The following ROBO2 variants were observed in gnomAD, a reference collection of about 807,000 sequenced individuals.
ROBO2 encodes the protein roundabout guidance receptor 2, also known as roundabout homolog 2.
Under a neutral mutation model 160.8 loss-of-function variants are expected in ROBO2, and 53 were observed. That is an observed-to-expected ratio of 0.33 (90% CI 0.26 to 0.41). The LOEUF is 0.41. Ranked by LOEUF, ROBO2 falls within the 10% of genes least tolerant of loss-of-function variation. The pLI is 1.00. For synonymous variants in ROBO2, 664 were observed against 611.7 expected (o/e 1.09, Z -1.26); for missense variants, 1,577 against 1,722.4 (o/e 0.92, Z 1.49).
intron 2 of ROBO2, among the ~76,000 whole-genome samples, chr3:77,395,942 G>A (rs1277344167): frequency 6.7e-6 from 1 of 150,326 alleles, no homozygotes; most frequent in East Asian, 2.0e-4. Flanking sequence ...TAACTTAATT[G>A]TGGAAGCATT....
chr3:77,291,094 G>T (rs9822838), intron 2 of ROBO2, among the ~76,000 whole-genome samples: 78 of 120,026 alleles, frequency 6.5e-4, no homozygotes, highest in African/African-American at 1.7e-3. Flanking sequence ...AAATTGACGG[G>T]TAAACGGGTA....
At chr3:76,687,625 T>C (rs1266498774) in intron 2 of ROBO2, among the ~76,000 whole-genome samples, 1 of 152,024 alleles carries the variant, frequency 6.6e-6, no homozygotes, top group Non-Finnish European at 1.5e-5. Flanking sequence ...AACAACAATA[T>C]GTTCATAATA....
intron 2 of ROBO2, among the ~76,000 whole-genome samples, chr3:76,030,224 T>C (rs910289755): frequency 7.2e-5 from 11 of 152,232 alleles, no homozygotes; most frequent in African/African-American, 2.4e-4. Flanking sequence ...TTTGCTTTTT[T>C]CTTGTAAATT....
intron 2 of ROBO2, among the ~76,000 whole-genome samples, chr3:77,448,093 C>T (rs572086567): frequency 1.3e-4 from 20 of 152,190 alleles, no homozygotes; most frequent in African/African-American, 4.3e-4. Flanking sequence ...AGAGGAGGAG[C>T]CCTTTTCTTT....
chr3:76,764,713 C>T (rs1047359702), intron 2 of ROBO2, among the ~76,000 whole-genome samples: 1 of 151,526 alleles, frequency 6.6e-6, no homozygotes, highest in Admixed American at 6.6e-5. Context: ...ACCTGTCTAT[C>T]AAAACTCCCT....
At chr3:76,760,913 C>A (rs1188147202) in intron 2 of ROBO2, among the ~76,000 whole-genome samples, 1 of 151,248 alleles carries the variant, frequency 6.6e-6, no homozygotes, top group Non-Finnish European at 1.5e-5. Flanking sequence ...GTTCTACAAC[C>A]TTGTATCTTT....
intron 24 of ROBO2, among the ~76,000 whole-genome samples, chr3:77,640,096 C>CTTTTTTTTTTTTTT (rs1559785171): frequency 4.4e-4 from 43 of 97,460 alleles, no homozygotes; most frequent in Non-Finnish European, 5.1e-4. Flanking sequence ...GCAGAGGAAG[C>CTTTTTTTTTTTTTT]ATTTTTTTTT....
At chr3:77,577,543 A>G (rs968380929) in exon 15 of ROBO2, 11 of 1,613,328 alleles carry the variant, frequency 6.8e-6, no homozygotes, top group Non-Finnish European at 9.3e-6. Flanking sequence ...AAGCTACAAT[A>G]GCACAAGTAT....
chr3:76,783,502 G>T (rs562908199), intron 2 of ROBO2, among the ~76,000 whole-genome samples: 3 of 147,254 alleles, frequency 2.0e-5, no homozygotes, highest in Non-Finnish European at 3.0e-5. Context: ...ATTTTTGTTT[G>T]GTAGTTTCTT....
chr3:76,272,970 AAAAT>A (rs1707648429), intron 2 of ROBO2, among the ~76,000 whole-genome samples: 6 of 36,530 alleles, frequency 1.6e-4, no homozygotes, highest in Non-Finnish European at 3.9e-4. Context: ...ATTTATATAT[AAAAT>A]ATATATAATA....
At chr3:77,145,378 A>T (rs1374750157) in intron 2 of ROBO2, among the ~76,000 whole-genome samples, 1 of 152,128 alleles carries the variant, frequency 6.6e-6, no homozygotes, top group Non-Finnish European at 1.5e-5. Flanking sequence ...ATTTTCAAGG[A>T]TATTATTGTG....
intron 2 of ROBO2, among the ~76,000 whole-genome samples, chr3:76,102,610 T>A (rs146498475): frequency 6.6e-6 from 1 of 152,154 alleles, no homozygotes; most frequent in Non-Finnish European, 1.5e-5. Context: ...TCAAGAAAGA[T>A]ACAGATTGAA....
At chr3:76,546,644 T>C (rs1444052776) in intron 2 of ROBO2, among the ~76,000 whole-genome samples, 2 of 151,948 alleles carry the variant, frequency 1.3e-5, no homozygotes, top group Admixed American at 1.3e-4. Context: ...ATAACAAATT[T>C]GTGTTGTTTT....
intron 2 of ROBO2, among the ~76,000 whole-genome samples, chr3:76,801,329 A>C (rs919482201): frequency 1.3e-5 from 2 of 152,178 alleles, no homozygotes; most frequent in African/African-American, 4.8e-5. Flanking sequence ...TTATATACAA[A>C]GAATAAGATC....
chr3:76,119,492 C>CA (rs146053603), intron 2 of ROBO2, among the ~76,000 whole-genome samples: 3,006 of 151,688 alleles, frequency 0.02, 82 homozygotes, highest in African/African-American at 0.053. Context: ...TTTAGTGGTC[C>CA]AATAAAATAT....
chr3:76,225,214 A>T (rs1399308947), intron 2 of ROBO2, among the ~76,000 whole-genome samples: 1 of 152,196 alleles, frequency 6.6e-6, no homozygotes, highest in Non-Finnish European at 1.5e-5. Context: ...CAGAAAAAAG[A>T]GCATTAAATT....
At chr3:77,361,639 G>A (rs992840563) in intron 2 of ROBO2, among the ~76,000 whole-genome samples, 14 of 152,074 alleles carry the variant, frequency 9.2e-5, no homozygotes, top group African/African-American at 3.1e-4. Flanking sequence ...GGAAAGGAGG[G>A]TCAAGCTGCC....
intron 2 of ROBO2, among the ~76,000 whole-genome samples, chr3:76,003,604 G>A (rs955347463): frequency 6.6e-6 from 1 of 152,188 alleles, no homozygotes; most frequent in Non-Finnish European, 1.5e-5. Context: ...CCTTTCATGT[G>A]TATGAGCTCC....
rs2092323883 is a variant in ROBO2, at chr3:76,673,473, A to C, written c.110-424541A>C. On this transcript the variant is annotated intron_variant, in intron 2 of 26. Coordinates refer to the ROBO2 transcript ENST00000487694. ...CTTGTGGACATTTTACTGGCAAGGA[A>C]AGGCAGGTACAGGATTTAAATACGC... Among the ~76,000 whole-genome samples, 3 of 152,320 alleles carry C rather than the reference A, an allele frequency of 2.0e-5. No individual in the cohort carries two copies. The South Asian group carries it at 6.2e-4, about 32-fold the overall frequency.
Sources: gnomAD v4.1 joint callset for allele counts (sites outside exome capture counted in the v4.1 genomes callset) on GRCh38, gnomAD v4.1.1 for gene constraint, MANE v1.5 for transcripts, NCBI Gene and HGNC (gene_info 2026-07-23, HGNC 2026-07-21) for gene names.